HNRNPUL1: variants seen among roughly 807,000 people sequenced by gnomAD.
The protein encoded by HNRNPUL1 is heterogeneous nuclear ribonucleoprotein U like 1.
A neutral mutation model predicts 108.5 loss-of-function variants in HNRNPUL1; 14 were observed. That is an observed-to-expected ratio of 0.13 (90% CI 0.09 to 0.20). The LOEUF (loss-of-function observed/expected upper bound fraction) is 0.20. HNRNPUL1 is among the 10% of genes least tolerant of loss of function. HNRNPUL1 has a pLI of 1.00. For synonymous variants in HNRNPUL1, 422 were observed against 445.2 expected (o/e 0.95, Z 0.66); for missense variants, 804 against 1,168.3 (o/e 0.69, Z 4.55).
At chr19:41,283,909 C>T (rs1276378107) in intron 7 of HNRNPUL1, among the ~76,000 whole-genome samples, 3 of 152,182 alleles carry the variant, frequency 2.0e-5, no homozygotes, top group African/African-American at 4.8e-5. Flanking sequence ...ATAAAATTAA[C>T]CAGCGCATAC....
At chr19:41,279,213 G>C (rs1415379438) in intron 6 of HNRNPUL1, 37 bp downstream of exon 6, 7 of 1,402,500 alleles carry the variant, frequency 5.0e-6, no homozygotes, top group Non-Finnish European at 7.1e-6. Context: ...AGAGAATAGA[G>C]TGACTGTCCC....
chr19:41,280,563 T>C (rs973664822), intron 6 of HNRNPUL1, among the ~76,000 whole-genome samples: 2 of 152,086 alleles, frequency 1.3e-5, no homozygotes, highest in Non-Finnish European at 2.9e-5. Flanking sequence ...ACATAGCTGG[T>C]TTGTAGCAGA....
chr19:41,303,972 G>A lies in HNRNPUL1; in HGVS notation c.1973G>A (p.Gly658Asp). ...TTTCATCTGGATTTCTCCAACACAGGTTTCAACCGCAGCGGAGGTGGTGGC... is the reference window on the plus strand; with the variant it reads ...TTTCATCTGGATTTCTCCAACACAGATTTCAACCGCAGCGGAGGTGGTGGC... ...GSGGGGNYRG[G>D]FNRSGGGGYS... Residue 658 changes from glycine (G) to aspartate (D), a missense_variant and splice_region_variant, in exon 13 of 15, where the codon GGT becomes GAT. Gly to Asp is a moderately conservative substitution (Grantham distance 94, BLOSUM62 -1). Coordinates refer to ENST00000392006, the MANE Select transcript of HNRNPUL1 (RefSeq NM_007040.6). 6.2e-7 allele frequency: 1 copy of A among 1,607,844 alleles called. No individual in the cohort carries two copies. The highest frequency in any genetic ancestry group is 8.5e-7 in the Non-Finnish European group (1 of 1,175,278).
rs531989779 is a variant in HNRNPUL1, at chr19:41,300,074, C to T, written c.1519-1462C>T. On this transcript the variant is annotated intron_variant, in intron 10 of 14. Coordinates refer to ENST00000392006, the MANE Select transcript of HNRNPUL1 (RefSeq NM_007040.6). ...GGCTGGGCCATCCCAGTGCACTGCC[C>T]GCTTCCTGTCAAGGTGTCTTCTGCC... Among the ~76,000 whole-genome samples, 38 of 152,198 alleles carry T rather than the reference C, an allele frequency of 2.5e-4. 2 individuals carry two copies. In the South Asian group the frequency reaches 4.1e-3, roughly 17 times the overall value.
intron 3 of HNRNPUL1, among the ~76,000 whole-genome samples, chr19:41,272,608 C>T (rs1328650690): frequency 6.6e-6 from 1 of 152,214 alleles, no homozygotes; most frequent in Non-Finnish European, 1.5e-5. Context: ...CATTCATCCA[C>T]TCATTCAGTC....
rs1210006824 is a variant in HNRNPUL1 at position 41,277,484 on chromosome 19, G to A, written c.786+1186G>A. Among the ~76,000 whole-genome samples the A allele has an allele frequency of 3.3e-5, 5 of 152,092 alleles. No homozygotes were observed. The South Asian group carries it at 6.2e-4, about 19-fold the overall frequency. ...GAAACACTGCAACAAAATAAACTAC[G>A]CAGTGTTTTCTTTTTTTGTTTGTTT... On this transcript the variant is annotated intron_variant, in intron 5 of 14. Coordinates refer to ENST00000392006, the MANE Select transcript of HNRNPUL1 (RefSeq NM_007040.6).
chr19:41,265,158 G>C, intron 1 of HNRNPUL1: 1 of 1,422,832 alleles, frequency 7.0e-7, no homozygotes, highest in East Asian at 2.8e-5. Flanking sequence ...TCGAAAATGG[G>C]GATCCTAGGG....
chr19:41,286,283 G>C (rs1199530404), intron 7 of HNRNPUL1: 1 of 151,444 alleles, frequency 6.6e-6, no homozygotes, highest in Non-Finnish European at 1.5e-5. Context: ...AATGAAAAAA[G>C]TACACATGTA....
upstream of HNRNPUL1, among the ~76,000 whole-genome samples, chr19:41,263,658 G>A (rs1413068491): frequency 6.6e-6 from 1 of 152,228 alleles, no homozygotes. Flanking sequence ...ATTACGAACT[G>A]TGTATCCACT....
chr19:41,303,592 G>A (rs1306206261), intron 12 of HNRNPUL1, among the ~76,000 whole-genome samples: 1 of 152,014 alleles, frequency 6.6e-6, no homozygotes, highest in African/African-American at 2.4e-5. Flanking sequence ...GACCTCACGT[G>A]GTCCACCCGC....
intron 3 of HNRNPUL1, 150 bp downstream of exon 3, chr19:41,272,385 A>T (rs764152992): frequency 3.7e-6 from 3 of 801,632 alleles, no homozygotes; most frequent in Non-Finnish European, 5.8e-6. Context: ...CGTACTTGCT[A>T]CCAGATTCAG....
chr19:41,289,822 C>T (rs527691019), intron 7 of HNRNPUL1, among the ~76,000 whole-genome samples: 1 of 150,718 alleles, frequency 6.6e-6, no homozygotes, highest in South Asian at 2.1e-4. Context: ...AAGTGATTCT[C>T]CTGCCTCAGC....
At chr19:41,274,104 G>T (rs1282123074) in intron 4 of HNRNPUL1, 49 bp downstream of exon 4, 2 of 1,495,912 alleles carry the variant, frequency 1.3e-6, no homozygotes, top group African/African-American at 2.8e-5. Context: ...TCAGTATGGG[G>T]AAATTGTGGT....
chr19:41,292,630 C>G lies in HNRNPUL1; in HGVS notation c.1266+119C>G, dbSNP rs2036656359. 7.9e-7 allele frequency: 1 copy of G among 1,265,250 alleles called. No homozygotes were observed. The highest frequency in any genetic ancestry group is 2.7e-4 in the Middle Eastern group (1 of 3,644). 78.4% of individuals were successfully genotyped at this position (1,265,250 alleles called of 1,614,324 possible). ...CCTTGGGGCAAGTGGCCACTTTGTCCCAGCTCCTCAGGGTTGGACTCAGAG... is the reference window on the plus strand; with the variant it reads ...CCTTGGGGCAAGTGGCCACTTTGTCGCAGCTCCTCAGGGTTGGACTCAGAG... On this transcript the variant is annotated intron_variant, in intron 8 of 14. Transcript: ENST00000392006. This position sits in a 1 kb window ranked among gnomAD's most constrained non-coding sequence, Gnocchi z 4.1.
At chr19:41,283,840 A>G (rs2036050260) in intron 7 of HNRNPUL1, among the ~76,000 whole-genome samples, 1 of 152,010 alleles carries the variant, frequency 6.6e-6, no homozygotes, top group Non-Finnish European at 1.5e-5. Flanking sequence ...TGATCTGCCC[A>G]CCTCGGCCTG....
At chr19:41,271,256 G>A (rs2035220065) in intron 2 of HNRNPUL1, among the ~76,000 whole-genome samples, 1 of 152,204 alleles carries the variant, frequency 6.6e-6, no homozygotes, top group East Asian at 1.9e-4. Flanking sequence ...GTCAGGCTCT[G>A]TGAGACTTGT....
rs747115231 is a variant in HNRNPUL1, at chr19:41,264,461, G to A, written c.-43G>A. On this transcript the variant is annotated 5_prime_UTR_variant, in exon 1 of 15. Transcript: ENST00000392006. ...AAGGTTTAAGGGGGACAGAGCCCTG[G>A]GAGGCCGGGCCGGGCTCGGGGGCCA... is the stretch of plus-strand genomic sequence containing the variant. 7.5e-7 allele frequency: 1 copy of A among 1,338,918 alleles called. No homozygotes were observed. The highest frequency in any genetic ancestry group is 3.0e-5 in the East Asian group (1 of 33,072). The allele number at this position is 1,338,918 out of a possible 1,614,324, so 82.9% of individuals were successfully genotyped here.
rs1225228114 is a variant in HNRNPUL1, at chr19:41,265,262, G to A, written c.295+464G>A. 24 of 1,529,960 alleles carry A rather than the reference G, an allele frequency of 1.6e-5. No homozygotes were observed. The Admixed American group carries it at 1.8e-4, about 11-fold the overall frequency. The allele number at this position is 1,529,960 out of a possible 1,614,324, so 94.8% of individuals were successfully genotyped here. A position where few individuals can be genotyped will look rare whatever the true frequency, so the allele number is the denominator to read the frequency against. On this transcript the variant is annotated intron_variant, in intron 1 of 14. Transcript: ENST00000392006. Reference sequence around the variant, plus strand: ...TCCAGGGTGGGGAAGGAATGTCCAGGTGTGCGGGGCTGCGAGAGTTCTGAG... The same window carrying A: ...TCCAGGGTGGGGAAGGAATGTCCAGATGTGCGGGGCTGCGAGAGTTCTGAG...
intron 12 of HNRNPUL1, 84 bp downstream of exon 12, chr19:41,303,033 A>T (rs1450923731): frequency 1.4e-6 from 2 of 1,405,030 alleles, no homozygotes; most frequent in East Asian, 4.7e-5. Context: ...TCAGCAACTG[A>T]AGTTTTCTGA....
Sources: allele counts gnomAD v4.1 joint callset (sites outside exome capture counted in the v4.1 genomes callset), GRCh38; gene constraint gnomAD v4.1.1; non-coding constraint Gnocchi (gnomAD v3.1); transcripts MANE v1.5; gene names NCBI Gene and HGNC (gene_info 2026-07-23, HGNC 2026-07-21).